ABHD3: variants seen among roughly 807,000 people sequenced by gnomAD.
ABHD3 encodes abhydrolase domain containing 3, phospholipase.
ABHD3 carries 46 observed loss-of-function variants against 48.8 expected under a neutral mutation model. The ratio of observed to expected loss-of-function variants is 0.94; its 90% CI spans 0.74 to 1.20. ABHD3 has a LOEUF of 1.20. ABHD3 is among the 50% of genes most tolerant of loss of function. ABHD3 has a pLI of 0.00. For missense variants in ABHD3, 490 were observed against 497.8 expected (o/e 0.98, Z 0.15); for synonymous variants, 192 against 183.7 (o/e 1.04, Z -0.36).
intron 3 of ABHD3, among the ~76,000 whole-genome samples, chr18:21,686,792 G>A (rs534667873): frequency 6.6e-6 from 1 of 152,328 alleles, no homozygotes; most frequent in African/African-American, 2.4e-5. Context: ...CACTCCAGCT[G>A]GGGATGAGCA....
Position 21,704,536 on chromosome 18 carries a change from A to G in ABHD3, c.130T>C (p.Tyr44His). The G allele has an allele frequency of 6.6e-7, 1 of 1,510,072 alleles. No homozygotes were observed. The allele number at this position is 1,510,072 out of a possible 1,614,324, so 93.5% of individuals were successfully genotyped here. A position where few individuals can be genotyped will look rare whatever the true frequency, so the allele number is the denominator to read the frequency against. ...ATGCTGCTCAGGTAGTAGAAGGCATAAGCGACGCTGAAGCCCAGGATAAGG... is the reference window on the plus strand; with the variant it reads ...ATGCTGCTCAGGTAGTAGAAGGCATGAGCGACGCTGAAGCCCAGGATAAGG... Reference protein sequence around the residue: ...LSLILGFSVAYAFYYLSSIAK... With the variant: ...LSLILGFSVAHAFYYLSSIAK... Residue 44 changes from tyrosine to histidine, a missense_variant, in exon 1 of 9, where the codon TAT becomes CAT. By Grantham distance (83) the Tyr-to-His change is moderately conservative. Coordinates refer to ENST00000289119, the MANE Select transcript of ABHD3 (RefSeq NM_138340.5).
intron 3 of ABHD3, among the ~76,000 whole-genome samples, chr18:21,687,648 T>C (rs2040158010): frequency 6.6e-6 from 1 of 152,174 alleles, no homozygotes; most frequent in Non-Finnish European, 1.5e-5. Flanking sequence ...ATAATTTTTT[T>C]CCCTCAAAAC....
At chr18:21,690,789 G>A (rs2040233641) in intron 3 of ABHD3, among the ~76,000 whole-genome samples, 1 of 151,622 alleles carries the variant, frequency 6.6e-6, no homozygotes, top group South Asian at 2.1e-4. Flanking sequence ...GAGGTCAGGA[G>A]TTTGAAACCA....
At chr18:21,653,621 C>T (rs2039278501) in intron 8 of ABHD3, among the ~76,000 whole-genome samples, 1 of 151,542 alleles carries the variant, frequency 6.6e-6, no homozygotes, top group South Asian at 2.1e-4. Context: ...ATGGTTGAGG[C>T]CAGTGTGGTA....
intron 4 of ABHD3, among the ~76,000 whole-genome samples, chr18:21,675,886 T>C (rs1315191810): frequency 6.6e-6 from 1 of 152,130 alleles, no homozygotes; most frequent in East Asian, 1.9e-4. Context: ...TCAGCCAAAT[T>C]TCAGTTACAC....
intron 1 of ABHD3, 24 bp downstream of exon 1, chr18:21,704,480 G>C: frequency 7.3e-7 from 1 of 1,363,584 alleles, no homozygotes; most frequent in Non-Finnish European, 9.5e-7. Context: ...AGCAGCCCGC[G>C]GCCCTGCGCC....
intron 8 of ABHD3, among the ~76,000 whole-genome samples, chr18:21,653,761 G>C (rs2039282789): frequency 6.8e-6 from 1 of 147,052 alleles, no homozygotes; most frequent in Non-Finnish European, 1.5e-5. Flanking sequence ...AAAAAGCCTT[G>C]TGTGGTGGCA....
At chr18:21,661,524 G>C (rs921510688) in intron 5 of ABHD3, among the ~76,000 whole-genome samples, 1 of 151,782 alleles carries the variant, frequency 6.6e-6, no homozygotes, top group Non-Finnish European at 1.5e-5. Context: ...CTAGCTACTC[G>C]TGAGGCTGAA....
intron 4 of ABHD3, among the ~76,000 whole-genome samples, chr18:21,679,915 G>A (rs1045747330): frequency 6.6e-5 from 10 of 151,388 alleles, no homozygotes; most frequent in African/African-American, 2.2e-4. Flanking sequence ...CTCAAGTTAT[G>A]TGCCTGCCTC....
intron 4 of ABHD3, among the ~76,000 whole-genome samples, chr18:21,680,357 G>A (rs532754220): frequency 4.3e-4 from 66 of 152,236 alleles, no homozygotes; most frequent in African/African-American, 1.5e-3. Flanking sequence ...ATCCTTGTGA[G>A]GTGGCAAGTA....
chr18:21,694,342 C>T (rs1453213918), intron 3 of ABHD3, among the ~76,000 whole-genome samples: 4 of 152,166 alleles, frequency 2.6e-5, no homozygotes, highest in African/African-American at 9.7e-5. Context: ...AGCGATCCGC[C>T]GGCCTTGGCC....
Position 21,704,631 on chromosome 18 carries a change from G to A in ABHD3, c.35C>T (p.Ser12Phe), listed in dbSNP as rs144576108. 3.9e-6 allele frequency: 6 copies of A among 1,546,824 alleles called. No homozygotes were observed. In the South Asian group the frequency reaches 7.2e-5, roughly 19 times the overall value. ...QRLAMDLRML[S>F]RELSLYLEHQ... ...TTCCAGGTAGAGGGAGAGCTCCCGG[G>A]ACAACATCCGCAGGTCCATGGCCAG... The change falls in exon 1 of 9, where the codon TCC becomes TTC. Residue 12 changes from serine (S) to phenylalanine (F), a missense_variant. Transcript: ENST00000289119.
At chr18:21,703,928 C>A in intron 1 of ABHD3, 181 bp from the exon 2 acceptor site, 1 of 606,256 alleles carries the variant, frequency 1.6e-6, no homozygotes, top group South Asian at 2.2e-5. Flanking sequence ...GCCAATGCCC[C>A]GAGGGGAAGG....
intron 3 of ABHD3, among the ~76,000 whole-genome samples, chr18:21,699,327 A>C (rs2040455074): frequency 6.6e-6 from 1 of 152,218 alleles, no homozygotes; most frequent in African/African-American, 2.4e-5. Flanking sequence ...ATTTGAATCC[A>C]GCTTGATTCC....
intron 3 of ABHD3, among the ~76,000 whole-genome samples, chr18:21,695,715 C>T (rs973225958): frequency 3.3e-5 from 5 of 152,140 alleles, no homozygotes; most frequent in African/African-American, 1.2e-4. Flanking sequence ...GCCATACAAG[C>T]CGTGATCTAC....
At chr18:21,681,853 G>A (rs564161964) in intron 4 of ABHD3, among the ~76,000 whole-genome samples, 23 of 152,298 alleles carry the variant, frequency 1.5e-4, no homozygotes, top group African/African-American at 5.1e-4. Context: ...ATGCAGGACA[G>A]GGGCCAGGTG....
intron 8 of ABHD3, among the ~76,000 whole-genome samples, chr18:21,654,276 G>A (rs903273358): frequency 3.9e-5 from 6 of 152,138 alleles, no homozygotes; most frequent in African/African-American, 1.4e-4. Flanking sequence ...CTTGGGCTGA[G>A]TTTTAGGGGC....
At chr18:21,701,914 G>C (rs1481385062) in intron 3 of ABHD3, 2 of 153,778 alleles carry the variant, frequency 1.3e-5, no homozygotes, top group Non-Finnish European at 2.9e-5. Flanking sequence ...GCTGAGCCAG[G>C]GCGACAAGAT....
rs1233902048 is a variant in ABHD3, at chr18:21,704,723, G to A, written c.-58C>T. 1.5e-6 allele frequency: 2 copies of A among 1,297,630 alleles called. No individual in the cohort carries two copies. The highest frequency in any genetic ancestry group is 1.6e-5 in the African/African-American group (1 of 62,532). 80.4% of individuals were successfully genotyped at this position (1,297,630 alleles called of 1,614,324 possible). On this transcript the variant is annotated 5_prime_UTR_variant, in exon 1 of 9. Coordinates refer to ENST00000289119, the MANE Select transcript of ABHD3 (RefSeq NM_138340.5). ...GGGAGGAGAGCCGGCTGGCGAGCGG[G>A]CGAGAGCGGGCGAGAGCGGACGCGG...
Sources: allele counts gnomAD v4.1 joint callset (sites outside exome capture counted in the v4.1 genomes callset), GRCh38; gene constraint gnomAD v4.1.1; transcripts MANE v1.5; gene names NCBI Gene and HGNC (gene_info 2026-07-23, HGNC 2026-07-21).